The following MAGI2 variants were observed in gnomAD, a reference collection of about 807,000 sequenced individuals.
The protein encoded by MAGI2 is membrane-associated guanylate kinase, WW and PDZ domain-containing protein 2.
In MAGI2, 35 loss-of-function variants were observed where a neutral mutation model predicts 133.3. The ratio of observed to expected loss-of-function variants is 0.26; its 90% confidence interval spans 0.20 to 0.35. The LOEUF is 0.35. Among genes scored for constraint, MAGI2 ranks in the 10% least tolerant of loss-of-function variants. MAGI2 has a pLI of 1.00. For missense variants in MAGI2, 1,636 were observed against 1,863.4 expected, an observed-to-expected ratio of 0.88 and a Z score of 2.25; for synonymous variants, 729 against 710.6, an observed-to-expected ratio of 1.03 and a Z score of -0.41.
intron 2 of MAGI2, among the ~76,000 whole-genome samples, chr7:78,984,209 C>T (rs1411879496): frequency 2.0e-5 from 3 of 151,922 alleles, no homozygotes; most frequent in South Asian, 2.1e-4. Flanking sequence ...TGGTGTAAGC[C>T]GCCATCCTCT....
chr7:78,725,696 G>A (rs1820708732), intron 2 of MAGI2, among the ~76,000 whole-genome samples: 1 of 152,244 alleles, frequency 6.6e-6, no homozygotes, highest in Admixed American at 6.5e-5. Context: ...CTACTTGGGA[G>A]GCTGAGGCAG....
At chr7:78,577,649 T>C (rs1030812315) in intron 3 of MAGI2, among the ~76,000 whole-genome samples, 1 of 141,820 alleles carries the variant, frequency 7.1e-6, no homozygotes, top group Non-Finnish European at 1.5e-5. Flanking sequence ...GGGGTTGTTC[T>C]CTGGCGGGCA....
chr7:78,740,568 G>A (rs545432621), intron 2 of MAGI2, among the ~76,000 whole-genome samples: 1 of 152,228 alleles, frequency 6.6e-6, no homozygotes, highest in East Asian at 1.9e-4. Flanking sequence ...TGACTGTCCA[G>A]TTTTAGGTGT....
At chr7:79,072,016 C>G (rs1815034471) in intron 1 of MAGI2, among the ~76,000 whole-genome samples, 1 of 152,140 alleles carries the variant, frequency 6.6e-6, no homozygotes, top group African/African-American at 2.4e-5. Flanking sequence ...CTAGTACAGT[C>G]TCTCATGGCT....
At chr7:78,745,854 A>G (rs1379477355) in intron 2 of MAGI2, among the ~76,000 whole-genome samples, 1 of 152,140 alleles carries the variant, frequency 6.6e-6, no homozygotes, top group East Asian at 1.9e-4. Flanking sequence ...TACTCTCCCT[A>G]TCCTGCTTTA....
chr7:78,910,513 A>G (rs1373663273), intron 2 of MAGI2, among the ~76,000 whole-genome samples: 1 of 152,116 alleles, frequency 6.6e-6, no homozygotes, highest in Non-Finnish European at 1.5e-5. Flanking sequence ...ACATATCTCA[A>G]ATCTTTTACA....
At chr7:79,180,997 C>A (rs1826566830) in intron 1 of MAGI2, among the ~76,000 whole-genome samples, 1 of 151,894 alleles carries the variant, frequency 6.6e-6, no homozygotes, top group Admixed American at 6.6e-5. Flanking sequence ...GAGGTGAGTT[C>A]TCATGGTCTT....
chr7:78,245,372 G>A (rs774916487), intron 10 of MAGI2, among the ~76,000 whole-genome samples: 2 of 152,162 alleles, frequency 1.3e-5, no homozygotes, highest in Admixed American at 6.5e-5. Context: ...CTAAAAAAGC[G>A]CCTAGCACAT....
chr7:78,270,017 T>C (rs1182080053), intron 9 of MAGI2, among the ~76,000 whole-genome samples: 2 of 152,230 alleles, frequency 1.3e-5, no homozygotes, highest in East Asian at 3.8e-4. Context: ...ATTTATTAAA[T>C]AGGGAATCCT....
intron 6 of MAGI2, among the ~76,000 whole-genome samples, chr7:78,409,427 A>G (rs542897679): frequency 6.6e-6 from 1 of 152,244 alleles, no homozygotes; most frequent in East Asian, 1.9e-4. Flanking sequence ...CACGCCCAAC[A>G]GATTCCAAAG....
intron 2 of MAGI2, among the ~76,000 whole-genome samples, chr7:78,956,857 A>G (rs946365534): frequency 6.6e-6 from 1 of 152,206 alleles, no homozygotes; most frequent in Non-Finnish European, 1.5e-5. Context: ...GCAACATACT[A>G]TCAAATGTCA....
intron 1 of MAGI2, among the ~76,000 whole-genome samples, chr7:79,304,128 T>G (rs1837582822): frequency 1.3e-5 from 2 of 151,008 alleles, no homozygotes; most frequent in Admixed American, 1.3e-4. Flanking sequence ...AATAAGACCT[T>G]TAGCAATAAT....
chr7:78,598,593 T>G (rs1044239958), intron 3 of MAGI2, among the ~76,000 whole-genome samples: 5 of 152,116 alleles, frequency 3.3e-5, no homozygotes, highest in Admixed American at 2.6e-4. Context: ...GGAAATAAAA[T>G]GATTGGATTA....
At chr7:78,138,245 C>T (rs1165600830) in intron 16 of MAGI2, among the ~76,000 whole-genome samples, 4 of 152,200 alleles carry the variant, frequency 2.6e-5, no homozygotes, top group African/African-American at 9.6e-5. Flanking sequence ...AGGAACTAAA[C>T]ACTTCATGAG....
intron 1 of MAGI2, among the ~76,000 whole-genome samples, chr7:79,405,984 C>T (rs1845780242): frequency 1.3e-5 from 2 of 149,918 alleles, no homozygotes; most frequent in Admixed American, 6.6e-5. Flanking sequence ...ATAACTTAAG[C>T]CACCAAATCA....
intron 21 of MAGI2, among the ~76,000 whole-genome samples, chr7:78,077,766 G>A (rs2151183371): frequency 2.0e-5 from 2 of 100,092 alleles, no homozygotes; most frequent in East Asian, 6.1e-4. Flanking sequence ...TTTCGCTCTT[G>A]TTGCCCAGAC....
At chr7:79,235,605 G>A (rs34263368) in intron 1 of MAGI2, among the ~76,000 whole-genome samples, 2 of 152,132 alleles carry the variant, frequency 1.3e-5, no homozygotes, top group East Asian at 1.9e-4. Flanking sequence ...GGAACTCCCC[G>A]ACCCCTTGCG....
intron 1 of MAGI2, among the ~76,000 whole-genome samples, chr7:79,178,502 A>C (rs976505047): frequency 1.3e-5 from 2 of 151,880 alleles, no homozygotes; most frequent in Admixed American, 6.6e-5. Context: ...AACTGAGGTC[A>C]GGAGTTCGAG....
intron 2 of MAGI2, among the ~76,000 whole-genome samples, chr7:78,683,634 A>G (rs921229383): frequency 6.6e-6 from 1 of 152,202 alleles, no homozygotes; most frequent in Non-Finnish European, 1.5e-5. Flanking sequence ...TTCTACAAGT[A>G]AAGTGTTCCC....
Sources: allele counts gnomAD v4.1 joint callset (sites outside exome capture counted in the v4.1 genomes callset), GRCh38; gene constraint gnomAD v4.1.1; transcripts MANE v1.5; gene names NCBI Gene and HGNC (gene_info 2026-07-23, HGNC 2026-07-21).